Variants in TIMD4 observed in about 807,000 individuals in gnomAD.
TIMD4 encodes T-cell immunoglobulin and mucin domain-containing protein 4.
TIMD4 carries 31 observed loss-of-function variants against 41.2 expected under a neutral mutation model. The observed-to-expected ratio is 0.75, with a 90% CI of 0.57 to 1.01. The LOEUF (loss-of-function observed/expected upper bound fraction) is 1.01. TIMD4 is among the 50% of genes least tolerant of loss of function. The probability of loss-of-function intolerance (pLI) is 0.00; values close to 1 mark genes in which losing one functional copy is unlikely to be tolerated. For missense variants in TIMD4, 479 were observed against 472.5 expected (o/e 1.01, Z -0.13); for synonymous variants, 204 against 177.1 (o/e 1.15, Z -1.21).
At chr5:156,948,943 T>G (rs757824328) in intron 4 of TIMD4, among the ~76,000 whole-genome samples, 39 of 152,232 alleles carry the variant, frequency 2.6e-4, no homozygotes, top group Non-Finnish European at 8.8e-5. Flanking sequence ...ACCTCCCATG[T>G]GAGTGCTTAC....
intron 1 of TIMD4, among the ~76,000 whole-genome samples, chr5:156,958,446 G>A (rs1760021597): frequency 6.6e-6 from 1 of 152,132 alleles, no homozygotes; most frequent in African/African-American, 2.4e-5. Flanking sequence ...AAGGAAATAG[G>A]AGCAGCCAAT....
At chr5:156,938,541 C>A (rs1385104232) in intron 5 of TIMD4, among the ~76,000 whole-genome samples, 1 of 152,184 alleles carries the variant, frequency 6.6e-6, no homozygotes, top group Admixed American at 6.5e-5. Context: ...AACACGAGAT[C>A]TGATTGTTCT....
At chr5:156,924,222 T>A in intron 6 of TIMD4, 2 of 418,140 alleles carry the variant, frequency 4.8e-6, no homozygotes, top group Non-Finnish European at 4.7e-6. Context: ...CAAAATCCCA[T>A]GAAGGTTTAT....
chr5:156,944,662 G>A (rs554629546), intron 5 of TIMD4, among the ~76,000 whole-genome samples: 12 of 151,914 alleles, frequency 7.9e-5, no homozygotes, highest in East Asian at 1.9e-4. Context: ...CCGCCACCAC[G>A]CCTGGCTAAT....
intron 5 of TIMD4, among the ~76,000 whole-genome samples, chr5:156,926,794 C>G (rs943404101): frequency 6.6e-6 from 1 of 152,124 alleles, no homozygotes; most frequent in African/African-American, 2.4e-5. Flanking sequence ...TACAAGTACA[C>G]AATTCTGGGA....
chr5:156,927,209 G>A (rs1391477924), intron 5 of TIMD4, among the ~76,000 whole-genome samples: 3 of 152,244 alleles, frequency 2.0e-5, no homozygotes, highest in Non-Finnish European at 4.4e-5. Context: ...CTGTCTGCTT[G>A]TTCACTACTG....
At chr5:156,931,838 C>T (rs979333303) in intron 5 of TIMD4, among the ~76,000 whole-genome samples, 8 of 151,920 alleles carry the variant, frequency 5.3e-5, no homozygotes, top group Non-Finnish European at 8.8e-5. Context: ...GCTATGCGAC[C>T]TTGGCTAAGA....
rs1368160610 is a variant in TIMD4, at chr5:156,919,335, C to G, written c.*122G>C. On this transcript the variant is annotated 3_prime_UTR_variant, in exon 9 of 9. Coordinates refer to ENST00000274532, the MANE Select transcript of TIMD4 (RefSeq NM_138379.3). ...CCTTCATTCATGAAACTAAAGCAAG[C>G]CTGGATCAATGACATCCATGGAATA... The G allele has an allele frequency of 3.4e-6, 3 of 873,386 alleles. No individual in the cohort carries two copies. The East Asian group carries it at 7.9e-5, about 23-fold the overall frequency. 54.1% of individuals were successfully genotyped at this position (873,386 alleles called of 1,614,324 possible).
At chr5:156,931,321 C>G (rs2113351888) in intron 5 of TIMD4, among the ~76,000 whole-genome samples, 1 of 152,304 alleles carries the variant, frequency 6.6e-6, no homozygotes, top group South Asian at 2.1e-4. Context: ...GAAACTAATA[C>G]AGAGACAGTG....
intron 6 of TIMD4, chr5:156,924,361 A>G: frequency 2.7e-6 from 1 of 371,110 alleles, no homozygotes; most frequent in South Asian, 2.3e-5. Context: ...CAGGAAAGGT[A>G]CTCCTAAATG....
chr5:156,922,932 T>C (rs1282487148), intron 6 of TIMD4, among the ~76,000 whole-genome samples: 1 of 152,212 alleles, frequency 6.6e-6, no homozygotes, highest in Non-Finnish European at 1.5e-5. Context: ...ATAAAACATG[T>C]TATGTTAGCA....
At chr5:156,921,150 G>A (rs768512880) in intron 7 of TIMD4, among the ~76,000 whole-genome samples, 5 of 151,982 alleles carry the variant, frequency 3.3e-5, no homozygotes, top group Admixed American at 1.3e-4. Context: ...TGGGATGGAG[G>A]TGCAAGGTCA....
rs892465215 is a variant in TIMD4 at position 156,954,310 on chromosome 5, C to G, written c.400+105G>C. 1.9e-5 allele frequency: 21 copies of G among 1,082,844 alleles called. No individual in the cohort carries two copies. In the African/African-American group the frequency reaches 3.2e-4, roughly 16 times the overall value. 67.1% of individuals were successfully genotyped at this position (1,082,844 alleles called of 1,614,324 possible). A position where few individuals can be genotyped will look rare whatever the true frequency, so the allele number is the denominator to read the frequency against. ...TTATTTCAAATTCAATCTTCCCACT[C>G]ACTGTGAAAGCAACTCTAACCTCTT... is the stretch of plus-strand genomic sequence containing the variant. On this transcript the variant is annotated intron_variant, in intron 2 of 8. Transcript: ENST00000274532.
In TIMD4 at chr5:156,930,059, C is replaced by G. The variant is rs181098331; in HGVS notation, c.845-3747G>C. 3.0e-3 allele frequency among the ~76,000 whole-genome samples: 463 copies of G among 152,330 alleles called. 1 individual carries two copies. Among genetic ancestry groups the G allele is most frequent in the African/African-American group, 0.01 (432 of 41,566 alleles). On this transcript the variant is annotated intron_variant, in intron 5 of 8. Coordinates refer to ENST00000274532, the MANE Select transcript of TIMD4 (RefSeq NM_138379.3). Reference sequence around the variant, plus strand: ...GATCTTGGCTCGCTGCAACCTCCGCCTACCAGGTTGAAGCGATTCTCATGC... The same window carrying G: ...GATCTTGGCTCGCTGCAACCTCCGCGTACCAGGTTGAAGCGATTCTCATGC...
chr5:156,926,096 G>A (rs536401204), intron 6 of TIMD4, among the ~76,000 whole-genome samples, 167 bp downstream of exon 6: 2 of 152,310 alleles, frequency 1.3e-5, no homozygotes, highest in East Asian at 3.9e-4. Context: ...TAGAGATGGG[G>A]TTTTGCCGTG....
At chr5:156,933,465 C>A (rs577364940) in intron 5 of TIMD4, among the ~76,000 whole-genome samples, 7 of 150,670 alleles carry the variant, frequency 4.6e-5, no homozygotes, top group Non-Finnish European at 1.0e-4. Context: ...CAACCCCCCC[C>A]CAAAAAAAGC....
rs144387169 is a variant in TIMD4, at chr5:156,934,529, T to C, written c.845-8217A>G. Among the ~76,000 whole-genome samples the C allele has an allele frequency of 3.0e-3, 459 of 152,244 alleles. 1 individual carries two copies. Among genetic ancestry groups the C allele is most frequent in the African/African-American group, 0.011 (441 of 41,540 alleles). ...CTGGTCTCAAACTCCTGGGCTCAAG[T>C]GATCCTCCCAAGTCGTTCTCCCAAA... is the stretch of plus-strand genomic sequence containing the variant. On this transcript the variant is annotated intron_variant, in intron 5 of 8. Coordinates refer to ENST00000274532, the MANE Select transcript of TIMD4 (RefSeq NM_138379.3).
chr5:156,948,087 C>T (rs1231658981), intron 5 of TIMD4, among the ~76,000 whole-genome samples: 1 of 152,138 alleles, frequency 6.6e-6, no homozygotes, highest in Non-Finnish European at 1.5e-5. Context: ...TGTTTTGCTT[C>T]CACTCCAGCT....
chr5:156,921,112 TA>T (rs1369766764), intron 7 of TIMD4, among the ~76,000 whole-genome samples: 92 of 75,090 alleles, frequency 1.2e-3, no homozygotes, highest in Admixed American at 2.9e-3. Context: ...TGTAGCATTT[TA>T]AAACTTTTGG....
Sources: allele counts gnomAD v4.1 joint callset (sites outside exome capture counted in the v4.1 genomes callset), GRCh38; gene constraint gnomAD v4.1.1; transcripts MANE v1.5; gene names NCBI Gene and HGNC (gene_info 2026-07-23, HGNC 2026-07-21).